Variants in SYT1 observed in about 807,000 individuals in gnomAD.
SYT1 encodes synaptotagmin-1.
SYT1 carries 8 observed loss-of-function variants against 44.8 expected under a neutral mutation model. The ratio of observed to expected loss-of-function variants is 0.18; its 90% CI spans 0.10 to 0.32. The LOEUF (loss-of-function observed/expected upper bound fraction) is 0.32, where lower values mean the gene tolerates loss of function less well. Among genes scored for constraint, SYT1 ranks in the 10% least tolerant of loss-of-function variants. SYT1 has a pLI of 1.00. For synonymous variants in SYT1, 154 were observed against 188.8 expected, an observed-to-expected ratio of 0.82 and a Z score of 1.51; for missense variants, 286 against 509.3, an observed-to-expected ratio of 0.56 and a Z score of 4.22.
At chr12:78,981,867 AC>A (rs1375805563) in intron 2 of SYT1, among the ~76,000 whole-genome samples, 2 of 152,112 alleles carry the variant, frequency 1.3e-5, no homozygotes, top group Non-Finnish European at 2.9e-5. Flanking sequence ...TTTGTATTTT[AC>A]CATTTCTCAT....
chr12:79,234,712 C>CTTTTT (rs869074290), intron 4 of SYT1, among the ~76,000 whole-genome samples: 5 of 28,788 alleles, frequency 1.7e-4, no homozygotes, highest in South Asian at 7.8e-4. Context: ...TTCTTTCTTT[C>CTTTTT]TTTTTTTTTT....
intron 3 of SYT1, among the ~76,000 whole-genome samples, chr12:79,198,636 G>T (rs1873599578): frequency 6.6e-6 from 1 of 152,076 alleles, no homozygotes; most frequent in South Asian, 2.1e-4. Flanking sequence ...AAATCAACTT[G>T]AACATTACTT....
intron 2 of SYT1, among the ~76,000 whole-genome samples, chr12:79,023,785 CTCTCTCTCTT>C (rs1282583031): frequency 1.3e-5 from 2 of 151,660 alleles, no homozygotes; most frequent in Non-Finnish European, 2.9e-5. Context: ...TTCCATCTCT[CTCTCTCTCTT>C]TCTCTCTCTC....
intron 9 of SYT1, among the ~76,000 whole-genome samples, chr12:79,433,064 C>T (rs1207138997): frequency 7.2e-5 from 11 of 152,064 alleles, no homozygotes; most frequent in Non-Finnish European, 1.5e-4. Flanking sequence ...ATTTTTTTCA[C>T]TTTTTAGAAG....
At chr12:79,344,050 A>T (rs1177417348) in intron 8 of SYT1, among the ~76,000 whole-genome samples, 1 of 152,228 alleles carries the variant, frequency 6.6e-6, no homozygotes, top group Non-Finnish European at 1.5e-5. Context: ...ATGGAAATAT[A>T]TGATTTCCCA....
At chr12:79,156,851 G>C (rs778548643) in intron 3 of SYT1, among the ~76,000 whole-genome samples, 10 of 152,138 alleles carry the variant, frequency 6.6e-5, no homozygotes, top group Non-Finnish European at 1.0e-4. Flanking sequence ...GATGTACTCA[G>C]TGACTTCACT....
intron 9 of SYT1, among the ~76,000 whole-genome samples, chr12:79,367,942 T>C (rs1162077782): frequency 1.3e-5 from 2 of 152,020 alleles, no homozygotes; most frequent in Non-Finnish European, 2.9e-5. Context: ...TTAGGGTACA[T>C]GTGCACAATG....
intron 3 of SYT1, among the ~76,000 whole-genome samples, chr12:79,206,519 G>A (rs1874137991): frequency 6.6e-6 from 1 of 152,232 alleles, no homozygotes; most frequent in Non-Finnish European, 1.5e-5. Flanking sequence ...TTTCAAAGAT[G>A]TAAAAAATGT....
Position 78,993,172 on chromosome 12 carries a change from C to A in SYT1, c.-84+15241C>A, listed in dbSNP as rs1397862072. ...TAAAACAGAATATGAAACTGTCAGG[C>A]CTAAATTATCCTGAACCCCAATCTG... On this transcript the variant is annotated intron_variant, in intron 2 of 10. Transcript: ENST00000261205. Among the ~76,000 whole-genome samples, 3 of 152,206 alleles carry A rather than the reference C, an allele frequency of 2.0e-5. No individual in the cohort carries two copies. In the East Asian group the frequency reaches 5.8e-4, roughly 29 times the overall value.
chr12:78,894,884 C>T (rs547448951), intron 1 of SYT1, among the ~76,000 whole-genome samples: 2 of 151,574 alleles, frequency 1.3e-5, no homozygotes, highest in African/African-American at 4.8e-5. Flanking sequence ...ATATTGTATA[C>T]TTGAAAATTG....
chr12:79,287,134 C>A (rs10778575), intron 5 of SYT1, among the ~76,000 whole-genome samples: 51,276 of 151,930 alleles, frequency 0.34, 9,066 homozygotes, highest in East Asian at 0.59. Context: ...CTCAAAGACA[C>A]TATAGTATCT....
intron 4 of SYT1, among the ~76,000 whole-genome samples, chr12:79,245,973 A>G (rs1374512901): frequency 6.6e-6 from 1 of 152,170 alleles, no homozygotes; most frequent in African/African-American, 2.4e-5. Flanking sequence ...GTTTGGTTGC[A>G]GAAAATCAGC....
intron 4 of SYT1, among the ~76,000 whole-genome samples, chr12:79,221,477 C>T (rs1056967764): frequency 1.3e-5 from 2 of 152,048 alleles, no homozygotes; most frequent in Non-Finnish European, 2.9e-5. Context: ...TTGTTTATTT[C>T]TCTCTTTTCT....
intron 3 of SYT1, among the ~76,000 whole-genome samples, chr12:79,156,336 G>T (rs187029643): frequency 6.6e-6 from 1 of 152,220 alleles, no homozygotes; most frequent in East Asian, 1.9e-4. Context: ...TAAATTATCT[G>T]TGTATGTGTG....
At position 79,179,179 on chromosome 12, in the gene SYT1, TATAGATATAG is replaced by T. The variant is rs1440997545; in HGVS notation, c.-17-38320_-17-38311del. 1.9e-3 allele frequency among the ~76,000 whole-genome samples: 81 copies of T among 43,624 alleles called. 9 individuals are homozygous for T. The highest frequency in any genetic ancestry group is 6.2e-3 in the African/African-American group (74 of 11,952). The allele number at this position is 43,624 out of a possible 152,430, so 28.6% of individuals were successfully genotyped here. Reference sequence around the variant, plus strand: ...AGATATATAGATATAGATATAGATATATAGATATAGATATAGATATATAGATATAGATATA... The same window carrying T: ...AGATATATAGATATAGATATAGATATATATAGATATATAGATATAGATATA... On this transcript the variant is annotated intron_variant, in intron 3 of 10. Coordinates refer to ENST00000261205, the MANE Select transcript of SYT1 (RefSeq NM_005639.3).
chr12:79,243,065 T>TA (rs1391702461), intron 4 of SYT1, among the ~76,000 whole-genome samples: 1 of 152,134 alleles, frequency 6.6e-6, no homozygotes, highest in Non-Finnish European at 1.5e-5. Context: ...AACTGCCCTT[T>TA]ATAAAACCAT....
intron 9 of SYT1, among the ~76,000 whole-genome samples, chr12:79,420,194 G>A (rs763840668): frequency 9.9e-5 from 15 of 151,952 alleles, no homozygotes; most frequent in Non-Finnish European, 1.9e-4. Flanking sequence ...TGGAATGTAG[G>A]GTATGCACAA....
intron 8 of SYT1, among the ~76,000 whole-genome samples, chr12:79,305,776 A>AC (rs970069999): frequency 3.3e-5 from 5 of 151,786 alleles, no homozygotes; most frequent in Non-Finnish European, 5.9e-5. Context: ...GCTCACTGCA[A>AC]CCCCCCGCCT....
chr12:79,116,908 A>C (rs1879307565), intron 3 of SYT1, among the ~76,000 whole-genome samples: 1 of 152,170 alleles, frequency 6.6e-6, no homozygotes, highest in Non-Finnish European at 1.5e-5. Context: ...GAGGAGGGCA[A>C]GTAAGATTCT....
Sources: allele counts gnomAD v4.1 joint callset (sites outside exome capture counted in the v4.1 genomes callset), GRCh38; gene constraint gnomAD v4.1.1; transcripts MANE v1.5; gene names NCBI Gene and HGNC (gene_info 2026-07-23, HGNC 2026-07-21).